The following FBXO38 variants were observed in gnomAD, a reference collection of about 807,000 sequenced individuals.
FBXO38 encodes F-box protein 38, also known as F-box only protein 38.
A neutral mutation model predicts 131.9 loss-of-function variants in FBXO38; 53 were observed. The ratio of observed to expected loss-of-function variants is 0.40; its 90% CI spans 0.32 to 0.51. The LOEUF (loss-of-function observed/expected upper bound fraction) is 0.51, where lower values mean the gene tolerates loss of function less well. Ranked by LOEUF, FBXO38 falls within the 20% of genes least tolerant of loss-of-function variation. The pLI, the probability that FBXO38 is intolerant of heterozygous loss-of-function variation, is 0.53. For missense variants in FBXO38, 1,076 were observed against 1,475.6 expected (o/e 0.73, Z 4.44); for synonymous variants, 452 against 505.6 (o/e 0.89, Z 1.42).
intron 7 of FBXO38, among the ~76,000 whole-genome samples, chr5:148,407,383 A>G (rs1295881816): frequency 2.0e-5 from 3 of 152,120 alleles, no homozygotes; most frequent in Admixed American, 6.5e-5. Flanking sequence ...CCTGCCTTGT[A>G]TTTTACTCAA....
chr5:148,387,878 G>C (rs1052792979), intron 1 of FBXO38, among the ~76,000 whole-genome samples: 2 of 152,016 alleles, frequency 1.3e-5, no homozygotes, highest in Non-Finnish European at 2.9e-5. Context: ...TTTCAGTAGA[G>C]ATGGGGTTTC....
rs201169649 is a variant in FBXO38, at chr5:148,433,521, G to A, written c.2751G>A (p.Val917=). The part of the protein sequence containing the change: ...TSDPVIEDDH[V]QVLVLKSKNL... Reference sequence around the variant, plus strand: ...ATCCTGTGATCGAGGATGACCATGTGCAGGTAGAGAAAAAACCCTCACTTA... The same window carrying A: ...ATCCTGTGATCGAGGATGACCATGTACAGGTAGAGAAAAAACCCTCACTTA... Residue 917 remains valine, a synonymous_variant, in exon 16 of 22, where the codon GTG becomes GTA. Transcript: ENST00000340253. 3.5e-5 allele frequency: 57 copies of A among 1,609,860 alleles called. No homozygotes were observed. In the East Asian group the frequency reaches 1.2e-3, roughly 34 times the overall value.
chr5:148,406,239 A>ATT lies in FBXO38; in HGVS notation c.731-6_731-5dup, dbSNP rs201558003. On this transcript the variant is annotated splice_polypyrimidine_tract_variant and intron_variant, in intron 6 of 21. Coordinates refer to ENST00000340253, the MANE Select transcript of FBXO38 (RefSeq NM_205836.3). Reference sequence around the variant, plus strand: ...GGCACTTTACATTGTTCTATCAAAGATTTTTTTTTTTTTCCAGGACCCACA... The same window carrying ATT: ...GGCACTTTACATTGTTCTATCAAAGATTTTTTTTTTTTTTTCCAGGACCCACA... The ATT allele has an allele frequency of 4.0e-4, 485 of 1,212,816 alleles. No individual in the cohort carries two copies. The highest frequency in any genetic ancestry group is 1.2e-3 in the South Asian group (75 of 64,494). The allele number at this position is 1,212,816 out of a possible 1,614,324, so 75.1% of individuals were successfully genotyped here.
At position 148,395,099 on chromosome 5, in the gene FBXO38, T is replaced by G. The variant is rs10072051; in HGVS notation, c.128+195T>G. Among the ~76,000 whole-genome samples, 38,052 of 152,082 alleles carry G rather than the reference T, an allele frequency of 0.25. 4,799 individuals are homozygous for G. Among genetic ancestry groups the G allele is most frequent in the South Asian group, 0.29 (1,388 of 4,820 alleles). On this transcript the variant is annotated intron_variant, in intron 2 of 21. Transcript: ENST00000340253. ...AGCCATATGTGGCTAGTGGACACGG[T>G]GTATAGGACAACAGAGTATAGACAA...
rs1754723785 is a variant in FBXO38, at chr5:148,442,168, G to T, written c.*21G>T. 1.9e-6 allele frequency: 3 copies of T among 1,607,912 alleles called. No homozygotes were observed. In the African/African-American group the frequency reaches 4.0e-5, roughly 21 times the overall value. ...TTTAATTGGTCCCTCCTCCTTTCCAGCTATTTTGTCAGAAAGCAAGTAGGG... is the reference window on the plus strand; with the variant it reads ...TTTAATTGGTCCCTCCTCCTTTCCATCTATTTTGTCAGAAAGCAAGTAGGG... On this transcript the variant is annotated 3_prime_UTR_variant, in exon 22 of 22. Coordinates refer to ENST00000340253, the MANE Select transcript of FBXO38 (RefSeq NM_205836.3).
At chr5:148,402,166 A>G in intron 4 of FBXO38, 21 bp downstream of exon 4, 1 of 1,595,362 alleles carries the variant, frequency 6.3e-7, no homozygotes, top group Non-Finnish European at 8.6e-7. Context: ...CTGGTTGAAC[A>G]TTTTGGCATC....
Position 148,402,165 on chromosome 5 carries a change from C to A in FBXO38, c.426+20C>A, listed in dbSNP as rs772134232. 1 of 1,595,328 alleles carries A rather than the reference C, an allele frequency of 6.3e-7. No individual in the cohort carries two copies. Among genetic ancestry groups the A allele is most frequent in the Non-Finnish European group, 8.6e-7 (1 of 1,166,870 alleles). ...TTAGTGGTGAGTGCACCTGGTTGAA[C>A]ATTTTGGCATCAACTGTTTATGAAA... On this transcript the variant is annotated intron_variant, in intron 4 of 21. Coordinates refer to ENST00000340253, the MANE Select transcript of FBXO38 (RefSeq NM_205836.3).
At chr5:148,398,309 CA>C in intron 2 of FBXO38, among the ~76,000 whole-genome samples, 1 of 151,590 alleles carries the variant, frequency 6.6e-6, no homozygotes, top group South Asian at 2.1e-4. Context: ...TATAACAGAA[CA>C]AAAGTCAGGA....
At chr5:148,384,412 G>A (rs1160150968) in intron 1 of FBXO38, among the ~76,000 whole-genome samples, 11 of 152,266 alleles carry the variant, frequency 7.2e-5, no homozygotes, top group African/African-American at 2.2e-4. Context: ...TCGGTGTTTC[G>A]GCCAGTAAAG....
At chr5:148,404,635 T>C (rs754939368) in intron 5 of FBXO38, 50 bp from the exon 6 acceptor site, 23 of 1,487,196 alleles carry the variant, frequency 1.5e-5, no homozygotes, top group Non-Finnish European at 2.1e-5. Context: ...AAATATAGTA[T>C]ATTTTTGTGA....
intron 17 of FBXO38, chr5:148,435,085 C>G (rs949353044): frequency 5.9e-5 from 9 of 152,008 alleles, no homozygotes; most frequent in Non-Finnish European, 7.4e-5. Flanking sequence ...AAGCAAGACT[C>G]TCTCTCAAAA....
At chr5:148,397,543 A>T (rs1400591116) in intron 2 of FBXO38, 2 of 152,198 alleles carry the variant, frequency 1.3e-5, no homozygotes, top group Non-Finnish European at 2.9e-5. Flanking sequence ...TTATAATCTA[A>T]GTTATAGAGT....
chr5:148,438,059 C>T (rs932916978), intron 17 of FBXO38, among the ~76,000 whole-genome samples: 1 of 152,042 alleles, frequency 6.6e-6, no homozygotes, highest in Non-Finnish European at 1.5e-5. Flanking sequence ...TAAATATTTC[C>T]TAAACAGTTT....
chr5:148,400,187 T>A (rs754507087), intron 3 of FBXO38, among the ~76,000 whole-genome samples: 3 of 152,044 alleles, frequency 2.0e-5, no homozygotes, highest in Non-Finnish European at 4.4e-5. Flanking sequence ...CAAACCACGG[T>A]TACTTTCAGA....
intron 2 of FBXO38, among the ~76,000 whole-genome samples, chr5:148,395,171 G>A (rs1314100988): frequency 2.0e-5 from 3 of 152,128 alleles, no homozygotes; most frequent in Non-Finnish European, 4.4e-5. Context: ...CCTTTCTCTA[G>A]ACTGTTAACA....
intron 9 of FBXO38, 186 bp from the exon 10 acceptor site, chr5:148,413,950 G>A (rs2113576089): frequency 2.3e-6 from 1 of 439,422 alleles, no homozygotes; most frequent in East Asian, 3.5e-5. Context: ...TTATTATTTT[G>A]TACAAGAAGT....
intron 6 of FBXO38, 118 bp from the exon 7 acceptor site, chr5:148,406,139 C>A: frequency 1.1e-6 from 1 of 949,594 alleles, no homozygotes; most frequent in Non-Finnish European, 1.5e-6. Context: ...TTTCAGAGAG[C>A]CAATTTGGCT....
At chr5:148,386,226 A>C (rs1757906792) in intron 1 of FBXO38, among the ~76,000 whole-genome samples, 1 of 152,174 alleles carries the variant, frequency 6.6e-6, no homozygotes. Flanking sequence ...GCACTAGGGC[A>C]TTGCTCTGGA....
chr5:148,429,378 G>T, intron 15 of FBXO38, among the ~76,000 whole-genome samples: 1 of 150,816 alleles, frequency 6.6e-6, no homozygotes, highest in Non-Finnish European at 1.5e-5. Flanking sequence ...TTTCAATATT[G>T]GTTATGGATG....
Sources: gnomAD v4.1 joint callset for allele counts (sites outside exome capture counted in the v4.1 genomes callset) on GRCh38, gnomAD v4.1.1 for gene constraint, MANE v1.5 for transcripts, NCBI Gene and HGNC (gene_info 2026-07-23, HGNC 2026-07-21) for gene names.